Variants in GDF1 observed in about 807,000 individuals in gnomAD.
GDF1 encodes the protein embryonic growth/differentiation factor 1.
Under a neutral mutation model 7.4 loss-of-function variants are expected in GDF1, and 8 were observed. The ratio of observed to expected loss-of-function variants is 1.09; its 90% CI spans 0.64 to 1.96. The LOEUF (loss-of-function observed/expected upper bound fraction) is 1.96. GDF1 is among the 30% of genes most tolerant of loss of function. GDF1 has a pLI of 0.00. For missense variants in GDF1, 574 were observed against 551.5 expected (o/e 1.04, Z -0.41); for synonymous variants, 311 against 276.7 (o/e 1.12, Z -1.23).
chr19:18,889,378 TA>T (rs1253693540), intron 2 of GDF1, among the ~76,000 whole-genome samples: 2 of 151,946 alleles, frequency 1.3e-5, no homozygotes, highest in African/African-American at 4.8e-5. Flanking sequence ...CCCCACAGGA[TA>T]GGGGGGAAGT....
At chr19:18,891,115 C>T (rs2056479558) in intron 2 of GDF1, among the ~76,000 whole-genome samples, 1 of 148,716 alleles carries the variant, frequency 6.7e-6, no homozygotes. Flanking sequence ...CAGAGTGAGA[C>T]TGTCTCAAAA....
intron 6 of GDF1, among the ~76,000 whole-genome samples, chr19:18,874,601 G>A (rs2056029734): frequency 6.6e-6 from 1 of 152,250 alleles, no homozygotes; most frequent in South Asian, 2.1e-4. Flanking sequence ...GGTCCCGGCA[G>A]CCCCTGAGAG....
chr19:18,885,081 G>T (rs1285492224), intron 2 of GDF1, among the ~76,000 whole-genome samples: 2 of 152,138 alleles, frequency 1.3e-5, no homozygotes, highest in Non-Finnish European at 2.9e-5. Context: ...AGGACAGAAA[G>T]TTCCTTTCTT....
rs1438404071 is a variant in GDF1, at chr19:18,869,991, G to C, written c.317C>G (p.Pro106Arg). Residue 106 changes from proline to arginine, a missense_variant, in exon 7 of 8, where the codon CCG (proline) becomes CGG (arginine). Transcript: ENST00000247005. ...GCGAAAGCCCCACTCACCGCGGTCC[G>C]GGATGTGGCGCACGATGTTTCCGGC... ...GVAGNIVRHI[P>R]DRGAPTRASE... The C allele has an allele frequency of 3.1e-6, 5 of 1,592,160 alleles. No individual in the cohort carries two copies. Among genetic ancestry groups the C allele is most frequent in the African/African-American group, 1.3e-5 (1 of 74,538 alleles).
At chr19:18,871,916 G>C (rs536487006) in intron 6 of GDF1, among the ~76,000 whole-genome samples, 20 of 152,270 alleles carry the variant, frequency 1.3e-4, no homozygotes, top group African/African-American at 3.8e-4. Flanking sequence ...TTTTGGCTCT[G>C]GGATGACTCC....
In GDF1 at chr19:18,870,399, A is replaced by G; in HGVS notation, c.-92T>C. Reference sequence around the variant, plus strand: ...GCGGGGCCGGTGTCCCCGGAGGGGCAGGGGTCCTGGGGGGCGTGGCCGGGA... The same window carrying G: ...GCGGGGCCGGTGTCCCCGGAGGGGCGGGGGTCCTGGGGGGCGTGGCCGGGA... On this transcript the variant is annotated 5_prime_UTR_variant, in exon 7 of 8. Coordinates refer to ENST00000247005, the MANE Select transcript of GDF1 (RefSeq NM_001492.6). The surrounding 1 kb of genome is among the most constrained non-coding windows in gnomAD (Gnocchi z 5.1). 4.1e-6 allele frequency: 5 copies of G among 1,221,132 alleles called. No homozygotes were observed. The highest frequency in any genetic ancestry group is 5.4e-6 in the Non-Finnish European group (5 of 918,674). The allele number at this position is 1,221,132 out of a possible 1,614,324, so 75.6% of individuals were successfully genotyped here. A position where few individuals can be genotyped will look rare whatever the true frequency, so the allele number is the denominator to read the frequency against.
chr19:18,868,717 G>A lies in GDF1; in HGVS notation c.999C>T (p.Asp333=), dbSNP rs376692379. 94 of 1,544,948 alleles carry A rather than the reference G, an allele frequency of 6.1e-5. No individual in the cohort carries two copies. Among genetic ancestry groups the A allele is most frequent in the Non-Finnish European group, 7.6e-5 (87 of 1,143,300 alleles). The change falls in exon 8 of 8, where the codon GAC becomes GAT. Residue 333 remains aspartate, a synonymous_variant. Transcript: ENST00000247005. ...GGCGCGCGGGCACGCAGCAGGGCAG[G>A]TCGGCGGCTCCCGGGGCGGCCGCGT... ...LMHAAAPGAA[D]LPCCVPARLS...
Position 18,879,022 on chromosome 19 carries a change from T to G in GDF1, c.-405A>C. ...GCACCTGGCCTGTCAACACCTTGGC[T>G]GCAAACGCCACGATGTACTGCGAGA... On this transcript the variant is annotated 5_prime_UTR_variant, in exon 6 of 8. Transcript: ENST00000247005. 1 of 1,613,662 alleles carries G rather than the reference T, an allele frequency of 6.2e-7. No individual in the cohort carries two copies. The highest frequency in any genetic ancestry group is 2.2e-5 in the East Asian group (1 of 44,882).
chr19:18,891,588 C>G (rs1409084175), intron 2 of GDF1, among the ~76,000 whole-genome samples: 1 of 152,072 alleles, frequency 6.6e-6, no homozygotes, highest in Non-Finnish European at 1.5e-5. Flanking sequence ...CTCCACACCC[C>G]CAACCCCCAG....
At position 18,868,788 on chromosome 19, in the gene GDF1, C is replaced by CA; in HGVS notation, c.927_928insT (p.Gly310TrpfsTer42). ...GCGTGGTTGAGCGCCGGCGGCCCCC[C>CA]GGACCCCGACAGCGCGACGGGCAGC... On this transcript the variant is annotated frameshift_variant, in exon 8 of 8. Transcript: ENST00000247005. LOFTEE classifies it low-confidence loss of function (END_TRUNC). 1 of 1,461,912 alleles carries CA rather than the reference C, an allele frequency of 6.8e-7. No individual in the cohort carries two copies. Among genetic ancestry groups the CA allele is most frequent in the South Asian group, 1.2e-5 (1 of 80,234 alleles). 90.6% of individuals were successfully genotyped at this position (1,461,912 alleles called of 1,614,324 possible). A position where few individuals can be genotyped will look rare whatever the true frequency, so the allele number is the denominator to read the frequency against.
Position 18,869,146 on chromosome 19 carries a change from CA to C in GDF1, c.569del (p.Leu190ArgfsTer49). The C allele has an allele frequency of 1.8e-6, 2 of 1,118,208 alleles. No homozygotes were observed. The highest frequency in any genetic ancestry group is 6.5e-5 in the South Asian group (2 of 30,784). 69.3% of individuals were successfully genotyped at this position (1,118,208 alleles called of 1,614,324 possible). On this transcript the variant is annotated frameshift_variant, in exon 8 of 8. Coordinates refer to ENST00000247005, the MANE Select transcript of GDF1 (RefSeq NM_001492.6). LOFTEE classifies it low-confidence loss of function (END_TRUNC). ...PVLLRQLVPA[L>X]GPPVRAELLG... is the part of the protein sequence containing the mutation. The stretch of plus-strand genomic sequence containing the variant: ...GCAGCTCCGCGCGCACTGGCGGCCC[CA>C]GGGCGGGCACCAACTGGCGGAGCAG...
At position 18,879,228 on chromosome 19, in the gene GDF1, G is replaced by A. The variant is rs370376124; in HGVS notation, c.-423+13C>T. The A allele has an allele frequency of 1.2e-5, 20 of 1,613,160 alleles. No individual in the cohort carries two copies. Among genetic ancestry groups the A allele is most frequent in the African/African-American group, 2.7e-5 (2 of 74,882 alleles). ...GGGACCGCCACTGTGGAGGAGAGCC[G>A]GGGCCGACTCACCAGGAACCAGTAG... On this transcript the variant is annotated intron_variant, in intron 5 of 7. Transcript: ENST00000247005.
intron 4 of GDF1, among the ~76,000 whole-genome samples, chr19:18,879,849 C>T (rs2146016714): frequency 6.6e-6 from 1 of 150,620 alleles, no homozygotes; most frequent in East Asian, 2.0e-4. Context: ...CACAGCGCCT[C>T]CCTTTCTCTG....
At chr19:18,873,332 A>C (rs1381791574) in intron 6 of GDF1, among the ~76,000 whole-genome samples, 2 of 152,028 alleles carry the variant, frequency 1.3e-5, no homozygotes, top group Admixed American at 6.5e-5. Flanking sequence ...GTGTGGGTAG[A>C]GAAAGGGCCC....
At chr19:18,873,682 A>T (rs1470710521) in intron 6 of GDF1, among the ~76,000 whole-genome samples, 1 of 151,892 alleles carries the variant, frequency 6.6e-6, no homozygotes, top group Admixed American at 6.6e-5. Context: ...CTACTAAAAA[A>T]AATACAACTA....
At chr19:18,892,042 C>T (rs2238659) in intron 2 of GDF1, among the ~76,000 whole-genome samples, 111,917 of 151,796 alleles carry the variant, frequency 0.74, 43,052 homozygotes, top group African/African-American at 0.94. Flanking sequence ...TACAGGCACG[C>T]GCCACCATGC....
intron 3 of GDF1, among the ~76,000 whole-genome samples, chr19:18,882,623 C>T (rs908553533): frequency 1.3e-5 from 2 of 149,740 alleles, no homozygotes; most frequent in Admixed American, 6.7e-5. Context: ...GGCGACAGAG[C>T]GAGACTCTGT....
chr19:18,885,517 T>TGG (rs143416454), intron 2 of GDF1, among the ~76,000 whole-genome samples: 1 of 137,542 alleles, frequency 7.3e-6, no homozygotes, highest in Non-Finnish European at 1.5e-5. Flanking sequence ...TCTCGTTTTT[T>TGG]TTTTTTTTTT....
Position 18,880,405 on chromosome 19 carries a change from G to C in GDF1, c.-702C>G, listed in dbSNP as rs762355617. The C allele has an allele frequency of 6.3e-7, 1 of 1,592,480 alleles. No homozygotes were observed. The highest frequency in any genetic ancestry group is 2.3e-5 in the East Asian group (1 of 44,036). ...GCTGCACGTCACTGATATCGTGCAG[G>C]AAGAGCACAAGGATGCCCACATTGT... On this transcript the variant is annotated 5_prime_UTR_variant, in exon 4 of 8. Transcript: ENST00000247005.
Sources: allele counts gnomAD v4.1 joint callset (sites outside exome capture counted in the v4.1 genomes callset), GRCh38; gene constraint gnomAD v4.1.1; non-coding constraint Gnocchi (gnomAD v3.1); transcripts MANE v1.5; gene names NCBI Gene and HGNC (gene_info 2026-07-23, HGNC 2026-07-21).